The following CEP128 variants were observed in gnomAD, a reference collection of about 807,000 sequenced individuals.
CEP128 encodes the protein centrosomal protein 128, also known as centrosomal protein 128kDa.
CEP128 carries 132 observed loss-of-function variants against 156.7 expected under a neutral mutation model. The ratio of observed to expected loss-of-function variants is 0.84; its 90% CI spans 0.73 to 0.97. The LOEUF (loss-of-function observed/expected upper bound fraction) is 0.97, where lower values mean the gene tolerates loss of function less well. Ranked by LOEUF, CEP128 falls within the 50% of genes least tolerant of loss-of-function variation. The pLI, the probability that CEP128 is intolerant of heterozygous loss-of-function variation, is 0.00. For missense variants in CEP128, 1,252 were observed against 1,281.9 expected (o/e 0.98, Z 0.36); for synonymous variants, 469 against 448.9 (o/e 1.04, Z -0.57).
intron 2 of CEP128, among the ~76,000 whole-genome samples, chr14:80,926,361 TG>T (rs1353285007): frequency 6.6e-6 from 1 of 152,112 alleles, no homozygotes; most frequent in East Asian, 1.9e-4. Flanking sequence ...GGGAGCTGAG[TG>T]GGGCTTACTG....
intron 20 of CEP128, among the ~76,000 whole-genome samples, chr14:80,559,572 C>G (rs897345051): frequency 6.6e-6 from 1 of 152,000 alleles, no homozygotes; most frequent in Non-Finnish European, 1.5e-5. Flanking sequence ...GGAATAGAAC[C>G]TACCATTTTT....
chr14:80,588,698 A>G (rs1382944137), intron 19 of CEP128, among the ~76,000 whole-genome samples: 2 of 152,108 alleles, frequency 1.3e-5, no homozygotes, highest in Admixed American at 6.6e-5. Flanking sequence ...AAGACGAATT[A>G]TTACAGCTCA....
intron 19 of CEP128, among the ~76,000 whole-genome samples, chr14:80,702,384 T>C (rs1280035618): frequency 6.6e-6 from 1 of 152,150 alleles, no homozygotes; most frequent in Non-Finnish European, 1.5e-5. Context: ...TTATAGCTGC[T>C]CAAAGAGGAT....
chr14:80,736,613 G>T (rs1188326105), intron 19 of CEP128, among the ~76,000 whole-genome samples: 3 of 151,958 alleles, frequency 2.0e-5, no homozygotes, highest in African/African-American at 7.3e-5. Context: ...AATCAATACT[G>T]GTCTGTTGCC....
At chr14:80,656,897 T>C (rs1895195969) in intron 19 of CEP128, among the ~76,000 whole-genome samples, 1 of 152,176 alleles carries the variant, frequency 6.6e-6, no homozygotes, top group Admixed American at 6.5e-5. Context: ...CCAGATATAC[T>C]AACAGAATAT....
chr14:80,729,769 G>C (rs1898194819), intron 19 of CEP128, among the ~76,000 whole-genome samples: 1 of 152,080 alleles, frequency 6.6e-6, no homozygotes, highest in Non-Finnish European at 1.5e-5. Context: ...AAGAATATTT[G>C]CTTGAAGATA....
chr14:80,895,272 AGGT>A (rs1889291715), intron 8 of CEP128, among the ~76,000 whole-genome samples: 1 of 152,152 alleles, frequency 6.6e-6, no homozygotes, highest in Admixed American at 6.6e-5. Context: ...GACAGCAAAG[AGGT>A]CTTTGTAGCA....
At chr14:80,872,977 T>C (rs1888103077) in intron 8 of CEP128, among the ~76,000 whole-genome samples, 1 of 152,216 alleles carries the variant, frequency 6.6e-6, no homozygotes, top group South Asian at 2.1e-4. Flanking sequence ...TGAGATGCCC[T>C]TCGTGCAATT....
intron 8 of CEP128, chr14:80,894,490 C>G (rs1889250715): frequency 4.8e-5 from 19 of 395,622 alleles, no homozygotes; most frequent in South Asian, 3.6e-4. Context: ...ATATTTTAGA[C>G]TGGTACAATG....
chr14:80,592,352 C>G (rs764523901), intron 19 of CEP128, among the ~76,000 whole-genome samples: 19 of 152,104 alleles, frequency 1.2e-4, no homozygotes, highest in Non-Finnish European at 2.4e-4. Flanking sequence ...ATGCAAACTA[C>G]CATCAGAGAA....
intron 19 of CEP128, among the ~76,000 whole-genome samples, chr14:80,589,874 T>G (rs965882361): frequency 7.9e-5 from 12 of 152,136 alleles, no homozygotes; most frequent in Non-Finnish European, 1.5e-4. Flanking sequence ...CTCTCTGACA[T>G]GCAATATGAT....
intron 20 of CEP128, among the ~76,000 whole-genome samples, chr14:80,565,401 T>C (rs1040497092): frequency 7.2e-5 from 11 of 152,144 alleles, no homozygotes; most frequent in Admixed American, 2.6e-4. Flanking sequence ...TGCCAAATTA[T>C]CTTTAAAAAC....
Position 80,785,246 on chromosome 14 carries a change from C to G in CEP128, c.1860G>C (p.Lys620Asn), listed in dbSNP as rs1901340311. 6.2e-7 allele frequency: 1 copy of G among 1,614,190 alleles called. No homozygotes were observed. The highest frequency in any genetic ancestry group is 8.5e-7 in the Non-Finnish European group (1 of 1,180,022). ...AHLEEEIAEL[K>N]KSQAQDKAKL... ...TAGCTTTGTCCTGGGCCTGGCTCTT[C>G]TTGAGCTCTGCAATTTCTTCCTCCA... The change falls in exon 15 of 25, where the codon AAG becomes AAC. Residue 620 changes from lysine to asparagine, a missense_variant. Physicochemically the swap from Lys to Asn is moderately conservative, Grantham distance 94 (BLOSUM62 0). Coordinates refer to ENST00000555265, the MANE Select transcript of CEP128 (RefSeq NM_152446.5).
At chr14:80,742,299 T>C (rs1275703661) in intron 19 of CEP128, among the ~76,000 whole-genome samples, 1 of 152,188 alleles carries the variant, frequency 6.6e-6, no homozygotes, top group African/African-American at 2.4e-5. Flanking sequence ...AGTTCCTGAC[T>C]TTCCTCTTTC....
chr14:80,636,547 C>A (rs1033869599), intron 19 of CEP128, among the ~76,000 whole-genome samples: 1 of 152,110 alleles, frequency 6.6e-6, no homozygotes, highest in African/African-American at 2.4e-5. Flanking sequence ...TTTCTCTCTG[C>A]CAGCAATGGC....
At chr14:80,636,163 G>T (rs7158869) in intron 19 of CEP128, among the ~76,000 whole-genome samples, 76,495 of 151,940 alleles carry the variant, frequency 0.5, 20,891 homozygotes, top group Non-Finnish European at 0.59. Context: ...ATGCTTTTTT[G>T]ATATTACTCC....
chr14:80,804,082 A>T (rs890435922), intron 13 of CEP128, among the ~76,000 whole-genome samples: 2 of 151,542 alleles, frequency 1.3e-5, no homozygotes, highest in Non-Finnish European at 2.9e-5. Context: ...GGATGTTTAC[A>T]TTATACTCAT....
At chr14:80,811,818 T>TTTAGATAGATAGATAGATAGATAGATAGA (rs146742493) in intron 13 of CEP128, among the ~76,000 whole-genome samples, 22 of 149,632 alleles carry the variant, frequency 1.5e-4, no homozygotes, top group Admixed American at 3.3e-4. Flanking sequence ...CACGCATGTA[T>TTTAGATAGATAGATAGATAGATAGATAGA]TAGATAGATA....
At chr14:80,682,830 T>G (rs1226135626) in intron 19 of CEP128, among the ~76,000 whole-genome samples, 1 of 152,192 alleles carries the variant, frequency 6.6e-6, no homozygotes, top group Non-Finnish European at 1.5e-5. Context: ...ACAATTTCAT[T>G]TTCTGCCAAA....
Sources: allele counts gnomAD v4.1 joint callset (sites outside exome capture counted in the v4.1 genomes callset), GRCh38; gene constraint gnomAD v4.1.1; transcripts MANE v1.5; gene names NCBI Gene and HGNC (gene_info 2026-07-23, HGNC 2026-07-21).